The following TBL1XR1 variants were observed in gnomAD, a reference collection of about 807,000 sequenced individuals.
TBL1XR1 encodes TBL1X/Y related 1.
TBL1XR1 carries 5 observed loss-of-function variants against 66.9 expected under a neutral mutation model. The ratio of observed to expected loss-of-function variants is 0.07; its 90% CI spans 0.04 to 0.16. The LOEUF (loss-of-function observed/expected upper bound fraction) is 0.16. Ranked by LOEUF, TBL1XR1 falls within the 10% of genes least tolerant of loss-of-function variation. The pLI is 1.00. For synonymous variants in TBL1XR1, 210 were observed against 206.0 expected, an observed-to-expected ratio of 1.02 and a Z score of -0.17; for missense variants, 238 against 623.2, an observed-to-expected ratio of 0.38 and a Z score of 6.58.
rs1309315992 is a variant in TBL1XR1 at position 177,023,450 on chromosome 3, G to GTA, written c.*2046_*2047dup. 1 of 152,444 alleles carries GTA rather than the reference G, an allele frequency of 6.6e-6. No homozygotes were observed. Among genetic ancestry groups the GTA allele is most frequent in the African/African-American group, 2.4e-5 (1 of 41,386 alleles). The allele number at this position is 152,444 out of a possible 1,614,324, so 9.4% of individuals were successfully genotyped here. On this transcript the variant is annotated 3_prime_UTR_variant, in exon 16 of 16. Coordinates refer to ENST00000457928, the MANE Select transcript of TBL1XR1 (RefSeq NM_024665.7). ...TTAGGTTTCCTACGTAAGTCACAGG[G>GTA]TAATATGTTCTAAATATCTCTAATG...
intron 12 of TBL1XR1, 24 bp from the exon 13 acceptor site, chr3:177,034,349 A>G (rs979703857): frequency 5.4e-6 from 8 of 1,468,926 alleles, no homozygotes; most frequent in Non-Finnish European, 6.3e-6. Flanking sequence ...AAAAATGTAT[A>G]CAATTATTTT....
intron 2 of TBL1XR1, among the ~76,000 whole-genome samples, chr3:177,077,097 A>G (rs1720789739): frequency 6.6e-6 from 1 of 152,218 alleles, no homozygotes; most frequent in Non-Finnish European, 1.5e-5. Flanking sequence ...TACAAAATGA[A>G]TGAGAAAGAA....
intron 1 of TBL1XR1, among the ~76,000 whole-genome samples, chr3:177,151,888 G>C (rs1241333897): frequency 6.6e-6 from 1 of 152,156 alleles, no homozygotes; most frequent in Non-Finnish European, 1.5e-5. Context: ...GCCGGGCGTG[G>C]TGGCAGGCAC....
chr3:177,092,390 G>A (rs989936019), intron 2 of TBL1XR1, among the ~76,000 whole-genome samples: 4 of 151,940 alleles, frequency 2.6e-5, no homozygotes, highest in African/African-American at 7.3e-5. Context: ...TATACTACAG[G>A]AATCCAATTA....
At chr3:177,031,154 G>A (rs1258982316) in intron 14 of TBL1XR1, among the ~76,000 whole-genome samples, 1 of 152,078 alleles carries the variant, frequency 6.6e-6, no homozygotes, top group Non-Finnish European at 1.5e-5. Context: ...TTAGCTGGGT[G>A]TATGATTAGT....
chr3:177,135,333 G>GTGTGTGTGTGTGTGTATATA (rs1560213907), intron 1 of TBL1XR1, among the ~76,000 whole-genome samples: 2 of 53,814 alleles, frequency 3.7e-5, no homozygotes, highest in Non-Finnish European at 7.4e-5. Flanking sequence ...GTGTGTGTGT[G>GTGTGTGTGTGTGTGTATATA]TATACATATA....
chr3:177,084,896 AC>A (rs1721929144), intron 2 of TBL1XR1, among the ~76,000 whole-genome samples: 1 of 152,136 alleles, frequency 6.6e-6, no homozygotes, highest in Admixed American at 6.6e-5. Context: ...AATTGTAGTT[AC>A]TATTTGTGGG....
chr3:177,098,373 T>C (rs1723768626), intron 2 of TBL1XR1, 93 bp downstream of exon 2: 1 of 702,394 alleles, frequency 1.4e-6, no homozygotes, highest in Non-Finnish European at 1.7e-6. Context: ...AACACATGTA[T>C]TTTGTCAAAT....
intron 1 of TBL1XR1, among the ~76,000 whole-genome samples, chr3:177,168,374 C>T (rs1733080453): frequency 6.6e-6 from 1 of 151,910 alleles, no homozygotes; most frequent in African/African-American, 2.4e-5. Context: ...CTCCGCCTCC[C>T]GCATTCAAGC....
At chr3:177,050,231 A>G in intron 6 of TBL1XR1, 93 bp from the exon 7 acceptor site, 1 of 1,451,776 alleles carries the variant, frequency 6.9e-7, no homozygotes, top group Non-Finnish European at 9.3e-7. Context: ...AATAAGGCAA[A>G]TAAAAACGAC....
chr3:177,132,309 G>C (rs1394586939), intron 1 of TBL1XR1, among the ~76,000 whole-genome samples: 1 of 152,144 alleles, frequency 6.6e-6, no homozygotes, highest in Non-Finnish European at 1.5e-5. Flanking sequence ...ATCCAAGAAA[G>C]AAAGATATCC....
intron 1 of TBL1XR1, among the ~76,000 whole-genome samples, chr3:177,174,675 A>G (rs1733954087): frequency 1.3e-5 from 2 of 152,136 alleles, no homozygotes; most frequent in Admixed American, 1.3e-4. Context: ...TTTTTGCAGA[A>G]TTCAGAAACA....
At chr3:177,067,743 A>G (rs1355920377) in intron 2 of TBL1XR1, among the ~76,000 whole-genome samples, 1 of 152,174 alleles carries the variant, frequency 6.6e-6, no homozygotes, top group Non-Finnish European at 1.5e-5. Context: ...GCTTACTTCT[A>G]AAACAACTTA....
chr3:177,048,863 T>C (rs1716665957), intron 7 of TBL1XR1, among the ~76,000 whole-genome samples: 2 of 152,184 alleles, frequency 1.3e-5, no homozygotes, highest in African/African-American at 4.8e-5. Context: ...AACCATCCTT[T>C]TCAGTGTAAA....
intron 2 of TBL1XR1, among the ~76,000 whole-genome samples, chr3:177,095,331 AG>A (rs1357459589): frequency 6.6e-6 from 1 of 152,006 alleles, no homozygotes; most frequent in Non-Finnish European, 1.5e-5. Flanking sequence ...CCTGGGCAAC[AG>A]GGTAGATTGT....
At chr3:177,041,731 G>A (rs1715613361) in intron 10 of TBL1XR1, among the ~76,000 whole-genome samples, 1 of 152,188 alleles carries the variant, frequency 6.6e-6, no homozygotes, top group African/African-American at 2.4e-5. Flanking sequence ...TGCAACCCAG[G>A]AGGGCTATTG....
intron 14 of TBL1XR1, chr3:177,032,180 T>C (rs1223496203): frequency 6.6e-6 from 1 of 152,156 alleles, no homozygotes; most frequent in African/African-American, 2.4e-5. Flanking sequence ...TAAAAACTAA[T>C]AAAAATTGTT....
intron 1 of TBL1XR1, among the ~76,000 whole-genome samples, chr3:177,135,080 G>A (rs917448327): frequency 2.0e-5 from 3 of 151,312 alleles, no homozygotes; most frequent in African/African-American, 4.9e-5. Flanking sequence ...TCTGCTCACT[G>A]CAACCTCTGT....
chr3:177,129,589 T>C (rs950227603), intron 1 of TBL1XR1, among the ~76,000 whole-genome samples: 1 of 152,150 alleles, frequency 6.6e-6, no homozygotes, highest in African/African-American at 2.4e-5. Flanking sequence ...AGGCTGGGGA[T>C]AGAGTAATGA....
Sources: gnomAD v4.1 joint callset for allele counts (sites outside exome capture counted in the v4.1 genomes callset) on GRCh38, gnomAD v4.1.1 for gene constraint, MANE v1.5 for transcripts, NCBI Gene and HGNC (gene_info 2026-07-23, HGNC 2026-07-21) for gene names.